The following FRZB variants were observed in gnomAD, a reference collection of about 807,000 sequenced individuals.
The protein encoded by FRZB is frizzled related protein, also known as secreted frizzled-related protein 3.
A neutral mutation model predicts 32.5 loss-of-function variants in FRZB; 34 were observed. That is an observed-to-expected ratio of 1.05 (90% CI 0.80 to 1.39). The LOEUF is 1.39. FRZB is among the 40% of genes most tolerant of loss of function. The probability of loss-of-function intolerance (pLI) is 0.00; values close to 1 mark genes in which losing one functional copy is unlikely to be tolerated. For synonymous variants in FRZB, 170 were observed against 159.2 expected (o/e 1.07, Z -0.51); for missense variants, 423 against 424.8 (o/e 1.00, Z 0.04).
chr2:182,840,143 C>T (rs1695571827), intron 3 of FRZB, among the ~76,000 whole-genome samples: 1 of 152,046 alleles, frequency 6.6e-6, no homozygotes, highest in Admixed American at 6.6e-5. Context: ...ACTGTCCTCG[C>T]TTGGTTTGAC....
At chr2:182,841,383 CA>C (rs748490403) in intron 3 of FRZB, among the ~76,000 whole-genome samples, 2 of 151,910 alleles carry the variant, frequency 1.3e-5, no homozygotes, top group Non-Finnish European at 2.9e-5. Context: ...TTTCAATTCC[CA>C]AAAGTATAGA....
At position 182,834,567 on chromosome 2, in the gene FRZB, T is replaced by A. The variant is rs1238118771; in HGVS notation, c.*282A>T. On this transcript the variant is annotated 3_prime_UTR_variant, in exon 6 of 6. Coordinates refer to ENST00000295113, the MANE Select transcript of FRZB (RefSeq NM_001463.4). ...CAGCAAAGAGGCTCTGGTAACAGCATGTTTAATTTATTATTATTGCAAAAG... is the reference window on the plus strand; with the variant it reads ...CAGCAAAGAGGCTCTGGTAACAGCAAGTTTAATTTATTATTATTGCAAAAG... The A allele has an allele frequency of 2.5e-6, 1 of 395,324 alleles. No homozygotes were observed. Among genetic ancestry groups the A allele is most frequent in the African/African-American group, 2.0e-5 (1 of 49,642 alleles). 24.5% of individuals were successfully genotyped at this position (395,324 alleles called of 1,614,324 possible).
chr2:182,859,437 T>C (rs1032439866), intron 1 of FRZB, among the ~76,000 whole-genome samples: 1 of 152,162 alleles, frequency 6.6e-6, no homozygotes, highest in African/African-American at 2.4e-5. Context: ...CAGAAAATAG[T>C]AATGATAAAG....
intron 2 of FRZB, among the ~76,000 whole-genome samples, chr2:182,856,207 G>A (rs1426681382): frequency 6.6e-6 from 1 of 151,816 alleles, no homozygotes. Flanking sequence ...AAGGAAGTAT[G>A]GAATGTTGGA....
At chr2:182,850,064 G>A (rs1695692846) in intron 2 of FRZB, among the ~76,000 whole-genome samples, 1 of 152,138 alleles carries the variant, frequency 6.6e-6, no homozygotes, top group Admixed American at 6.5e-5. Flanking sequence ...CATGTCATTG[G>A]CACATATTGT....
At chr2:182,838,291 TC>T in intron 4 of FRZB, 117 bp downstream of exon 4, 1 of 853,038 alleles carries the variant, frequency 1.2e-6, no homozygotes. Flanking sequence ...TTATCTGTAA[TC>T]CCCAAGAAGG....
At position 182,866,509 on chromosome 2, in the gene FRZB, C is replaced by T. The variant is rs775570500; in HGVS notation, c.44G>A (p.Gly15Glu). Residue 15 changes from glycine to glutamate, a missense_variant, in exon 1 of 6, where the codon GGG becomes GAG. By Grantham distance (98) the Gly-to-Glu change is moderately conservative. Transcript: ENST00000295113. This position sits in a 1 kb window ranked among gnomAD's most constrained non-coding sequence, Gnocchi z 4.5. ...GCAGAGAGCAGCCAGGGCAAGCAGC[C>T]CGGCCCGCAGCAGCAGCATCCCTCC... ...SPGGMLLLRA[G>E]LLALAALCLL... The T allele has an allele frequency of 3.3e-6, 5 of 1,505,010 alleles. No homozygotes were observed. Among genetic ancestry groups the T allele is most frequent in the Non-Finnish European group, 3.5e-6 (4 of 1,127,722 alleles). 93.2% of individuals were successfully genotyped at this position (1,505,010 alleles called of 1,614,324 possible).
chr2:182,857,874 T>C (rs756717346), intron 2 of FRZB, among the ~76,000 whole-genome samples: 1 of 152,190 alleles, frequency 6.6e-6, no homozygotes, highest in African/African-American at 2.4e-5. Context: ...AAAAAGCATA[T>C]ATGTGGATAG....
intron 2 of FRZB, among the ~76,000 whole-genome samples, chr2:182,853,441 G>T (rs1297498771): frequency 6.6e-6 from 1 of 152,022 alleles, no homozygotes; most frequent in African/African-American, 2.4e-5. Context: ...TTTTCAGTTC[G>T]GGTTGAGAAA....
chr2:182,834,925 C>T lies in FRZB; in HGVS notation c.902G>A (p.Ser301Asn), dbSNP rs369107489. The T allele has an allele frequency of 5.6e-6, 9 of 1,613,340 alleles. No homozygotes were observed. Among genetic ancestry groups the T allele is most frequent in the Non-Finnish European group, 7.6e-6 (9 of 1,179,534 alleles). ...MKLRHLGLSK[S>N]DSSNSDSTQS... Reference sequence around the variant, plus strand: ...AGTGGAATCACTATTGCTAGAATCACTTTTACTGAGTCCAAGATGACGAAG... The same window carrying T: ...AGTGGAATCACTATTGCTAGAATCATTTTTACTGAGTCCAAGATGACGAAG... Residue 301 changes from serine to asparagine, a missense_variant, in exon 6 of 6, where the codon AGT becomes AAT. Ser to Asn is a conservative substitution (Grantham distance 46). Coordinates refer to ENST00000295113, the MANE Select transcript of FRZB (RefSeq NM_001463.4).
In FRZB at chr2:182,866,282, T is replaced by G. The variant is rs559528102; in HGVS notation, c.271A>C (p.Met91Leu). ...TCAATGGTGCAGATGGGCGCGTACA[T>G]GGCACAGAGGAAGAAGAGCAGATCG... ...SPDLLFFLCA[M>L]YAPICTIDFQ... Residue 91 changes from methionine to leucine, a missense_variant, in exon 1 of 6, where the codon ATG (methionine) becomes CTG (leucine). By Grantham distance (15) the Met-to-Leu change is conservative. Transcript: ENST00000295113. The surrounding 1 kb of genome is among the most constrained non-coding windows in gnomAD (Gnocchi z 4.5). 6.2e-7 allele frequency: 1 copy of G among 1,614,220 alleles called. No individual in the cohort carries two copies. Among genetic ancestry groups the G allele is most frequent in the Non-Finnish European group, 8.5e-7 (1 of 1,180,048 alleles).
intron 3 of FRZB, among the ~76,000 whole-genome samples, chr2:182,839,000 T>C (rs565547293): frequency 1.3e-5 from 2 of 152,138 alleles, no homozygotes; most frequent in Non-Finnish European, 2.9e-5. Flanking sequence ...CCAAGAGGAA[T>C]TTAAACTATG....
rs115246513 is a variant in FRZB, at chr2:182,842,302, T to C, written c.592+176A>G. On this transcript the variant is annotated intron_variant, in intron 3 of 5. Coordinates refer to ENST00000295113, the MANE Select transcript of FRZB (RefSeq NM_001463.4). ...AACCAAGTGTTAAGCATTTTGCCCG[T>C]GTGAGACATTTTAATTGGTCGGGGC... Among the ~76,000 whole-genome samples the C allele has an allele frequency of 4.2e-3, 642 of 152,308 alleles. 4 individuals are homozygous for C. The highest frequency in any genetic ancestry group is 0.015 in the African/African-American group (624 of 41,576).
chr2:182,859,640 A>T (rs1174613163), intron 1 of FRZB, among the ~76,000 whole-genome samples: 1 of 152,198 alleles, frequency 6.6e-6, no homozygotes, highest in Non-Finnish European at 1.5e-5. Flanking sequence ...TTCTAGGAGA[A>T]AATAGTATTC....
At chr2:182,854,777 GC>G (rs1695750160) in intron 2 of FRZB, among the ~76,000 whole-genome samples, 2 of 152,126 alleles carry the variant, frequency 1.3e-5, no homozygotes, top group Non-Finnish European at 1.5e-5. Flanking sequence ...CCACCACTTG[GC>G]CCCATAGGAA....
intron 1 of FRZB, among the ~76,000 whole-genome samples, chr2:182,861,282 T>A (rs2105764427): frequency 6.6e-6 from 1 of 152,360 alleles, no homozygotes; most frequent in South Asian, 2.1e-4. Context: ...CTTCGAATTC[T>A]CTTTTTCTTA....
At chr2:182,863,685 G>GAA (rs78322511) in intron 1 of FRZB, among the ~76,000 whole-genome samples, 8 of 152,094 alleles carry the variant, frequency 5.3e-5, no homozygotes, top group Admixed American at 2.6e-4. Context: ...AGTTGAATAA[G>GAA]AAAAAAACCT....
intron 1 of FRZB, among the ~76,000 whole-genome samples, chr2:182,864,830 G>A (rs1024632005): frequency 1.3e-5 from 2 of 152,164 alleles, no homozygotes; most frequent in African/African-American, 4.8e-5. Context: ...GAAATAAACA[G>A]ATGGAGGCAA....
At chr2:182,859,126 A>T (rs1695802799) in intron 1 of FRZB, among the ~76,000 whole-genome samples, 1 of 152,102 alleles carries the variant, frequency 6.6e-6, no homozygotes, top group Non-Finnish European at 1.5e-5. Context: ...AATGATAAGC[A>T]TCCTATCATG....
Sources: gnomAD v4.1 joint callset for allele counts (sites outside exome capture counted in the v4.1 genomes callset) on GRCh38, gnomAD v4.1.1 for gene constraint, Gnocchi (gnomAD v3.1) non-coding constraint, MANE v1.5 for transcripts, NCBI Gene and HGNC (gene_info 2026-07-23, HGNC 2026-07-21) for gene names.